SERPINA6: variants seen among roughly 807,000 people sequenced by gnomAD.
The protein encoded by SERPINA6 is corticosteroid-binding globulin.
SERPINA6 carries 19 observed loss-of-function variants against 26.4 expected under a neutral mutation model. The observed-to-expected ratio is 0.72, with a 90% CI of 0.50 to 1.06. SERPINA6 has a LOEUF of 1.06. SERPINA6 is among the 50% of genes least tolerant of loss of function. The probability of loss-of-function intolerance (pLI) is 0.00; values close to 1 mark genes in which losing one functional copy is unlikely to be tolerated. For missense variants in SERPINA6, 473 were observed against 504.0 expected, an observed-to-expected ratio of 0.94 and a Z score of 0.59; for synonymous variants, 196 against 199.4, an observed-to-expected ratio of 0.98 and a Z score of 0.14.
intron 1 of SERPINA6, among the ~76,000 whole-genome samples, chr14:94,322,551 T>C (rs189682938): frequency 3.3e-5 from 5 of 152,248 alleles, no homozygotes; most frequent in Non-Finnish European, 7.4e-5. Context: ...TACCCAGCCA[T>C]ATAAAAATGC....
intron 1 of SERPINA6, among the ~76,000 whole-genome samples, chr14:94,322,984 T>C (rs956263991): frequency 6.6e-6 from 1 of 152,146 alleles, no homozygotes; most frequent in Non-Finnish European, 1.5e-5. Flanking sequence ...GGAGCATCAA[T>C]CATGGCAGTG....
In SERPINA6 at chr14:94,314,345, C is replaced by T. The variant is rs776573032; in HGVS notation, c.304G>A (p.Glu102Lys). The T allele has an allele frequency of 1.4e-5, 23 of 1,614,024 alleles. No individual in the cohort carries two copies. ...TGGAAACCCTGGTGGATCTCAGTCT[C>T]AGACCTCTCAGTGAGGTTGAAACCC... The part of the protein sequence containing the change: ...GLGFNLTERS[E>K]TEIHQGFQHL... Residue 102 changes from glutamate to lysine, a missense_variant, in exon 2 of 5, where the codon GAG (glutamate) becomes AAG (lysine). Physicochemically the swap from Glu to Lys is moderately conservative, Grantham distance 56 (BLOSUM62 1). Coordinates refer to ENST00000341584, the MANE Select transcript of SERPINA6 (RefSeq NM_001756.4).
chr14:94,311,933 GC>G lies in SERPINA6; in HGVS notation c.614-1928del, dbSNP rs548348718. On this transcript the variant is annotated intron_variant, in intron 2 of 4. Coordinates refer to ENST00000341584, the MANE Select transcript of SERPINA6 (RefSeq NM_001756.4). Reference sequence around the variant, plus strand: ...ACTGCACTCCAGCCTGGGCAACTGAGCAAGACTCCGTCTCAAAAAAAATAAA... The same window carrying G: ...ACTGCACTCCAGCCTGGGCAACTGAGAAGACTCCGTCTCAAAAAAAATAAA... Among the ~76,000 whole-genome samples, 293 of 152,040 alleles carry G rather than the reference GC, an allele frequency of 1.9e-3. 3 individuals are homozygous for G. The highest frequency in any genetic ancestry group is 6.7e-3 in the African/African-American group (279 of 41,442).
intron 1 of SERPINA6, among the ~76,000 whole-genome samples, chr14:94,322,565 G>A (rs1221851310): frequency 9.9e-5 from 15 of 152,184 alleles, no homozygotes; most frequent in Admixed American, 9.8e-4. Flanking sequence ...AAAATGCAGA[G>A]TATCAATATT....
chr14:94,314,052 G>C lies in SERPINA6; in HGVS notation c.597C>G (p.Asn199Lys). The change falls in exon 2 of 5, where the codon AAC becomes AAG. Residue 199 changes from asparagine (N) to lysine (K), a missense_variant. By Grantham distance (94) the Asn-to-Lys change is moderately conservative (BLOSUM62 0). Transcript: ENST00000341584. The stretch of plus-strand genomic sequence containing the variant: ...TGGGAATACCTTTGAAGAAGATATA[G>C]TTGACCAGGACGAGGATGGCTGGGC... The part of the protein sequence containing the change: ...LDSPAILVLV[N>K]YIFFKGTWTQ... 6.2e-7 allele frequency: 1 copy of C among 1,614,186 alleles called. No homozygotes were observed. Among genetic ancestry groups the C allele is most frequent in the Non-Finnish European group, 8.5e-7 (1 of 1,180,034 alleles).
At chr14:94,315,627 C>T (rs1895604010) in intron 1 of SERPINA6, among the ~76,000 whole-genome samples, 1 of 152,072 alleles carries the variant, frequency 6.6e-6, no homozygotes, top group Non-Finnish European at 1.5e-5. Flanking sequence ...TGTAAATAGA[C>T]TGACTGAAAG....
chr14:94,309,247 A>G (rs898891500), intron 3 of SERPINA6, among the ~76,000 whole-genome samples: 4 of 152,220 alleles, frequency 2.6e-5, no homozygotes, highest in African/African-American at 9.6e-5. Flanking sequence ...GATTGATTGA[A>G]GAGTTAGATG....
At chr14:94,310,538 C>A (rs1330344086) in intron 2 of SERPINA6, among the ~76,000 whole-genome samples, 3 of 152,116 alleles carry the variant, frequency 2.0e-5, no homozygotes, top group Non-Finnish European at 4.4e-5. Flanking sequence ...TCACAGACTC[C>A]CACCCCCAGC....
intron 1 of SERPINA6, among the ~76,000 whole-genome samples, chr14:94,318,359 A>G (rs1895640089): frequency 6.6e-6 from 1 of 152,126 alleles, no homozygotes; most frequent in Non-Finnish European, 1.5e-5. Context: ...GGACCTGGAT[A>G]GCCAAAACAA....
intron 3 of SERPINA6, among the ~76,000 whole-genome samples, chr14:94,308,220 C>A (rs1337232540): frequency 6.6e-6 from 1 of 152,210 alleles, no homozygotes; most frequent in East Asian, 1.9e-4. Context: ...GGCATTCCCA[C>A]CTCCCAACCA....
intron 1 of SERPINA6, among the ~76,000 whole-genome samples, chr14:94,321,021 C>T (rs1457817054): frequency 6.6e-6 from 1 of 152,148 alleles, no homozygotes; most frequent in East Asian, 1.9e-4. Flanking sequence ...GATTGGGGCC[C>T]TAGCACTGCC....
rs1379463594 is a variant in SERPINA6, at chr14:94,314,678, A to G, written c.-19-11T>C. 1 of 1,608,370 alleles carries G rather than the reference A, an allele frequency of 6.2e-7. No individual in the cohort carries two copies. Among genetic ancestry groups the G allele is most frequent in the African/African-American group, 1.3e-5 (1 of 74,918 alleles). ...CAGTATAGCCAGGCCCTGCCAAATC[A>G]GAAAAGCTTGTTAGATGCTGTGGCA... On this transcript the variant is annotated splice_polypyrimidine_tract_variant and intron_variant, in intron 1 of 4. Transcript: ENST00000341584.
chr14:94,313,123 A>T (rs1412367364), intron 2 of SERPINA6, among the ~76,000 whole-genome samples: 1 of 152,226 alleles, frequency 6.6e-6, no homozygotes, highest in African/African-American at 2.4e-5. Context: ...GAGGCTTCAC[A>T]GAGGAGGTGA....
At chr14:94,320,336 T>C (rs1895667503) in intron 1 of SERPINA6, among the ~76,000 whole-genome samples, 2 of 152,172 alleles carry the variant, frequency 1.3e-5, no homozygotes, top group Admixed American at 1.3e-4. Context: ...AACTTGAGAG[T>C]ATATGTTTGT....
chr14:94,306,536 A>T (rs1895443911), intron 3 of SERPINA6, among the ~76,000 whole-genome samples: 1 of 152,222 alleles, frequency 6.6e-6, no homozygotes, highest in African/African-American at 2.4e-5. Context: ...TCCATAATGA[A>T]GCCTTTTTAG....
chr14:94,313,910 G>A (rs1895570047), intron 2 of SERPINA6, 126 bp downstream of exon 2: 1 of 1,007,582 alleles, frequency 9.9e-7, no homozygotes. Context: ...GGTGAAGATG[G>A]AGATTCCCAG....
intron 3 of SERPINA6, among the ~76,000 whole-genome samples, chr14:94,308,706 C>T (rs974964739): frequency 2.0e-5 from 3 of 152,190 alleles, no homozygotes; most frequent in African/African-American, 2.4e-5. Context: ...AGCAGGGCTG[C>T]GCACTTGCAT....
Position 94,314,084 on chromosome 14 carries a change from G to T in SERPINA6, c.565C>A (p.Leu189Met). The change falls in exon 2 of 5, where the codon CTG becomes ATG. Residue 189 changes from leucine to methionine, a missense_variant. Physicochemically the swap from Leu to Met is conservative, Grantham distance 15. Coordinates refer to ENST00000341584, the MANE Select transcript of SERPINA6 (RefSeq NM_001756.4). ...AGGACGAGGATGGCTGGGCTATCCA[G>T]CCCTGAAAACAAGTCGACAATTTTC... The part of the protein sequence containing the change: ...QGKIVDLFSG[L>M]DSPAILVLVN... The T allele has an allele frequency of 6.2e-7, 1 of 1,614,156 alleles. No individual in the cohort carries two copies. The highest frequency in any genetic ancestry group is 8.5e-7 in the Non-Finnish European group (1 of 1,180,006).
chr14:94,311,729 G>A (rs1595574117), intron 2 of SERPINA6, among the ~76,000 whole-genome samples: 1 of 152,128 alleles, frequency 6.6e-6, no homozygotes, highest in Admixed American at 6.5e-5. Context: ...CATGAGGTCA[G>A]GAGATCGAGA....
Sources: allele counts gnomAD v4.1 joint callset (sites outside exome capture counted in the v4.1 genomes callset), GRCh38; gene constraint gnomAD v4.1.1; transcripts MANE v1.5; gene names NCBI Gene and HGNC (gene_info 2026-07-23, HGNC 2026-07-21).